Variants in RBBP8NL observed in about 807,000 individuals in gnomAD.
RBBP8NL encodes RBBP8 N-terminal like, also known as RBBP8 N-terminal-like protein.
A neutral mutation model predicts 62.2 loss-of-function variants in RBBP8NL; 59 were observed. That is an observed-to-expected ratio of 0.95 (90% CI 0.77 to 1.18). The LOEUF (loss-of-function observed/expected upper bound fraction) is 1.18. Among genes scored for constraint, RBBP8NL ranks in the 50% most tolerant of loss-of-function variants. The pLI is 0.00. For missense variants in RBBP8NL, 896 were observed against 899.5 expected, an observed-to-expected ratio of 1.00 and a Z score of 0.05; for synonymous variants, 412 against 394.1, an observed-to-expected ratio of 1.05 and a Z score of -0.54.
chr20:62,420,387 C>T (rs1988674198), intron 1 of RBBP8NL, among the ~76,000 whole-genome samples: 1 of 146,464 alleles, frequency 6.8e-6, no homozygotes, highest in Admixed American at 6.8e-5. Flanking sequence ...CACACACACA[C>T]ACACACAGAT....
chr20:62,420,338 C>A (rs554902708), intron 1 of RBBP8NL, among the ~76,000 whole-genome samples: 51 of 148,202 alleles, frequency 3.4e-4, no homozygotes, highest in Non-Finnish European at 4.4e-4. Flanking sequence ...CAGCTTCAAT[C>A]CTGTCCCACA....
At position 62,415,647 on chromosome 20, in the gene RBBP8NL, C is replaced by T. The variant is rs1988545261; in HGVS notation, c.558G>A (p.Gly186=). Residue 186 remains glycine (G), a synonymous_variant, in exon 8 of 14, where the codon GGG becomes GGA. Coordinates refer to ENST00000252998, the MANE Select transcript of RBBP8NL (RefSeq NM_080833.3). The part of the protein sequence containing the change: ...VGLRGEEKPA[G]HRTSPVAKIS... ...TTTTGGCCACTGGAGATGTCCTGTG[C>T]CCTGCTGGCTTTTCTGTGGGAGGAG... is the stretch of plus-strand genomic sequence containing the variant. 6.2e-7 allele frequency: 1 copy of T among 1,612,958 alleles called. No homozygotes were observed. Among genetic ancestry groups the T allele is most frequent in the Admixed American group, 1.7e-5 (1 of 60,016 alleles).
intron 1 of RBBP8NL, among the ~76,000 whole-genome samples, chr20:62,421,739 C>T (rs1474597077): frequency 6.9e-6 from 1 of 144,526 alleles, no homozygotes; most frequent in African/African-American, 2.6e-5. Flanking sequence ...TGTGTGTGTG[C>T]CATGTGTGTG....
At chr20:62,424,413 C>G (rs1224087665) in intron 1 of RBBP8NL, among the ~76,000 whole-genome samples, 2 of 152,156 alleles carry the variant, frequency 1.3e-5, no homozygotes, top group African/African-American at 4.8e-5. Flanking sequence ...TGGCGTCTTG[C>G]CCACGGTCAA....
At position 62,414,016 on chromosome 20, in the gene RBBP8NL, C is replaced by T. The variant is rs924597688; in HGVS notation, c.1335G>A (p.Ser445=). The change falls in exon 10 of 14, where the codon TCG becomes TCA. Residue 445 remains serine (S), a synonymous_variant. Transcript: ENST00000252998. ...DCALDKPLDL[S]EWGRARGQDT... ...CCTGGCCCCGGGCCCGGCCCCACTC[C>T]GAGAGGTCCAGGGGCTTGTCTAGGG... The T allele has an allele frequency of 1.5e-5, 24 of 1,582,914 alleles. No homozygotes were observed. The highest frequency in any genetic ancestry group is 1.1e-4 in the Admixed American group (6 of 56,782).
chr20:62,416,288 C>T (rs1420194320), intron 5 of RBBP8NL, 52 bp from the exon 6 acceptor site: 6 of 206,522 alleles, frequency 2.9e-5, no homozygotes, highest in East Asian at 1.2e-4. Context: ...GGGACAGGGG[C>T]AGGGGTGGGG....
chr20:62,424,592 G>A (rs532507949), intron 1 of RBBP8NL, among the ~76,000 whole-genome samples: 53 of 152,312 alleles, frequency 3.5e-4, no homozygotes, highest in Admixed American at 6.5e-4. Flanking sequence ...CAGTAAACGG[G>A]TGCCTCTTAT....
intron 13 of RBBP8NL, among the ~76,000 whole-genome samples, chr20:62,412,312 T>C (rs1328762567): frequency 1.3e-5 from 2 of 152,198 alleles, no homozygotes; most frequent in African/African-American, 4.8e-5. Context: ...GACCATCCCC[T>C]GGCTCCTTCT....
intron 9 of RBBP8NL, 139 bp downstream of exon 9, chr20:62,414,982 C>G: frequency 3.2e-6 from 3 of 950,288 alleles, no homozygotes; most frequent in Non-Finnish European, 3.0e-6. Context: ...GAACTTTGCT[C>G]CAGGCTGGGT....
chr20:62,424,827 G>A lies in RBBP8NL; in HGVS notation c.-84+2633C>T, dbSNP rs566157624. Among the ~76,000 whole-genome samples the A allele has an allele frequency of 2.0e-5, 3 of 152,224 alleles. No homozygotes were observed. The South Asian group carries it at 6.2e-4, about 32-fold the overall frequency. Reference sequence around the variant, plus strand: ...GAGTGGCCACTCAGAGGGGGCAGAGGTTTGCTGTTGTTAATCCTACCTCAC... The same window carrying A: ...GAGTGGCCACTCAGAGGGGGCAGAGATTTGCTGTTGTTAATCCTACCTCAC... On this transcript the variant is annotated intron_variant, in intron 1 of 13. Transcript: ENST00000252998.
chr20:62,415,394 C>T, intron 8 of RBBP8NL, 107 bp from the exon 9 acceptor site: 2 of 1,418,318 alleles, frequency 1.4e-6, no homozygotes, highest in Non-Finnish European at 1.9e-6. Flanking sequence ...TCTGCCCCTG[C>T]TCACTGCTGA....
intron 5 of RBBP8NL, 45 bp downstream of exon 5, chr20:62,416,715 G>T: frequency 7.2e-7 from 1 of 1,394,944 alleles, no homozygotes; most frequent in Non-Finnish European, 1.0e-6. Context: ...GGGGTCGCCT[G>T]GCCCCGTGGG....
intron 11 of RBBP8NL, 66 bp from the exon 12 acceptor site, chr20:62,412,966 A>G: frequency 1.3e-6 from 2 of 1,566,428 alleles, no homozygotes; most frequent in East Asian, 2.2e-5. Flanking sequence ...AGCCTGCCAG[A>G]CTAGGATGGG....
intron 4 of RBBP8NL, 119 bp from the exon 5 acceptor site, chr20:62,416,991 C>A (rs1330170614): frequency 2.5e-6 from 2 of 812,890 alleles, no homozygotes; most frequent in Admixed American, 2.6e-5. Context: ...TTCCGTAGAG[C>A]CCCAGGCCTC....
Position 62,415,881 on chromosome 20 carries a change from A to C in RBBP8NL, c.451T>G (p.Ser151Ala). 1 of 1,607,896 alleles carries C rather than the reference A, an allele frequency of 6.2e-7. No homozygotes were observed. Among genetic ancestry groups the C allele is most frequent in the East Asian group, 2.2e-5 (1 of 44,572 alleles). Residue 151 changes from serine to alanine, a missense_variant, in exon 7 of 14, where the codon TCC becomes GCC. Coordinates refer to ENST00000252998, the MANE Select transcript of RBBP8NL (RefSeq NM_080833.3). ...GTGATGGCCTTCCAGCCACCAGGGG[A>C]GGGGAGCAGCAGGGGTGAGGGGGGG... Reference protein sequence around the residue: ...SDPPSPLLLPSPGGWKAITEK... With the variant: ...SDPPSPLLLPAPGGWKAITEK...
chr20:62,417,948 C>T (rs1336839462), intron 3 of RBBP8NL, among the ~76,000 whole-genome samples: 1 of 107,854 alleles, frequency 9.3e-6, no homozygotes, highest in Non-Finnish European at 1.9e-5. Context: ...GTCATCTGCA[C>T]GCTCCTCTGT....
Position 62,410,926 on chromosome 20 carries a change from G to C in RBBP8NL, c.1947C>G (p.Ala649=), listed in dbSNP as rs201198190. ...TGTTGGGGGAGGGACTGTGGTCCTC[G>C]GCGTCCCTTGGGCTCCCGGGCCCCT... ...ATEGPGSPRD[A]EDHSPSPNSS... Residue 649 remains alanine (A), a synonymous_variant, in exon 14 of 14, where the codon GCC becomes GCG. Transcript: ENST00000252998. The C allele has an allele frequency of 6.2e-7, 1 of 1,613,602 alleles. No individual in the cohort carries two copies.
At chr20:62,423,126 G>A (rs1601491539) in intron 1 of RBBP8NL, among the ~76,000 whole-genome samples, 1 of 152,132 alleles carries the variant, frequency 6.6e-6, no homozygotes, top group Non-Finnish European at 1.5e-5. Flanking sequence ...AGCAGGTCAC[G>A]TGGCCAGCAT....
In RBBP8NL at chr20:62,412,817, G is replaced by T; in HGVS notation, c.1746+13C>A. On this transcript the variant is annotated intron_variant, in intron 12 of 13. Transcript: ENST00000252998. ...CCTGGCCCTGCCCTGCTGAGTGTGT[G>T]GCCTGGACCCACCTCGCTGCCTGGG... The T allele has an allele frequency of 6.2e-7, 1 of 1,613,380 alleles. No individual in the cohort carries two copies. The highest frequency in any genetic ancestry group is 8.5e-7 in the Non-Finnish European group (1 of 1,179,986).
Sources: gnomAD v4.1 joint callset for allele counts (sites outside exome capture counted in the v4.1 genomes callset) on GRCh38, gnomAD v4.1.1 for gene constraint, MANE v1.5 for transcripts, NCBI Gene and HGNC (gene_info 2026-07-23, HGNC 2026-07-21) for gene names.